TPP2: variants seen among roughly 807,000 people sequenced by gnomAD.
TPP2 encodes tripeptidyl-peptidase 2.
In TPP2, 34 loss-of-function variants were observed where a neutral mutation model predicts 155.9. The observed-to-expected ratio is 0.22, with a 90% confidence interval of 0.17 to 0.29. The LOEUF (loss-of-function observed/expected upper bound fraction) is 0.29. TPP2 is among the 10% of genes least tolerant of loss of function. The pLI is 1.00. For synonymous variants in TPP2, 510 were observed against 529.4 expected (o/e 0.96, Z 0.50); for missense variants, 1,028 against 1,522.3 (o/e 0.68, Z 5.40).
intron 24 of TPP2, among the ~76,000 whole-genome samples, chr13:102,656,167 A>T (rs1883847607): frequency 6.6e-6 from 1 of 152,160 alleles, no homozygotes; most frequent in Non-Finnish European, 1.5e-5. Context: ...CCAAAATTTT[A>T]ATCCATACAG....
At chr13:102,600,387 G>T (rs943620455) in intron 1 of TPP2, among the ~76,000 whole-genome samples, 8 of 151,966 alleles carry the variant, frequency 5.3e-5, no homozygotes, top group Non-Finnish European at 1.0e-4. Context: ...TTAATTCTGC[G>T]CGCCCCCTCC....
intron 25 of TPP2, 22 bp downstream of exon 25, chr13:102,657,229 A>T: frequency 6.5e-7 from 1 of 1,540,930 alleles, no homozygotes; most frequent in Non-Finnish European, 8.7e-7. Context: ...AATGTATTTT[A>T]ATTCTTTAAA....
rs766144935 is a variant in TPP2, at chr13:102,614,163, C to A, written c.357C>A (p.Asp119Glu). 1 of 1,613,496 alleles carries A rather than the reference C, an allele frequency of 6.2e-7. No homozygotes were observed. Among genetic ancestry groups the A allele is most frequent in the Non-Finnish European group, 8.5e-7 (1 of 1,179,696 alleles). ...KYHIGIKNGY[D>E]FYPKALKERI... is the part of the protein sequence containing the mutation. ...ATATTGGCATAAAAAATGGCTATGA[C>A]TTCTATCCTAAGGCACTCAAGGAAA... is the stretch of plus-strand genomic sequence containing the variant. Residue 119 changes from aspartate (D) to glutamate (E), a missense_variant, in exon 3 of 30, where the codon GAC (aspartate) becomes GAA (glutamate). Physicochemically the swap from Asp to Glu is conservative, Grantham distance 45. Coordinates refer to ENST00000376052, the MANE Select transcript of TPP2 (RefSeq NM_001330588.2).
rs1297591615 is a variant in TPP2, at chr13:102,678,470, C to T, written c.*154C>T. On this transcript the variant is annotated 3_prime_UTR_variant, in exon 30 of 30. Transcript: ENST00000376052. ...ATGTATTTATCAGAGAATTCACTGA[C>T]GTGTGGCTTAATACATGTAAATCTA... The T allele has an allele frequency of 8.3e-6, 5 of 605,798 alleles. No homozygotes were observed. Among genetic ancestry groups the T allele is most frequent in the African/African-American group, 2.0e-5 (1 of 50,336 alleles). 37.5% of individuals were successfully genotyped at this position (605,798 alleles called of 1,614,324 possible). A position where few individuals can be genotyped will look rare whatever the true frequency, so the allele number is the denominator to read the frequency against.
intron 27 of TPP2, among the ~76,000 whole-genome samples, chr13:102,671,869 G>A (rs373441878): frequency 3.3e-5 from 5 of 151,866 alleles, no homozygotes; most frequent in South Asian, 2.1e-4. Context: ...TTGAGCCTGC[G>A]AAACCGAGCC....
At chr13:102,609,677 G>A (rs535304519) in intron 2 of TPP2, among the ~76,000 whole-genome samples, 3 of 151,828 alleles carry the variant, frequency 2.0e-5, no homozygotes. Context: ...GATTACAAGC[G>A]CGAGCCACCG....
rs1415483254 is a variant in TPP2, at chr13:102,614,088, T to G, written c.295-13T>G. ...TTTAGTGAATGAACAGGTTACTCTT[T>G]TTTTTTCTGTAGATTCCTGCAAGCT... On this transcript the variant is annotated splice_polypyrimidine_tract_variant and intron_variant, in intron 2 of 29. Coordinates refer to ENST00000376052, the MANE Select transcript of TPP2 (RefSeq NM_001330588.2). 4.3e-6 allele frequency: 7 copies of G among 1,610,824 alleles called. No individual in the cohort carries two copies. The highest frequency in any genetic ancestry group is 5.9e-6 in the Non-Finnish European group (7 of 1,178,684).
chr13:102,633,840 A>T, intron 10 of TPP2, 110 bp from the exon 11 acceptor site: 1 of 1,445,096 alleles, frequency 6.9e-7, no homozygotes, highest in Non-Finnish European at 9.4e-7. Context: ...TAATGAGTGC[A>T]GTTAGTACAT....
In TPP2 at chr13:102,674,344, G is replaced by A. The variant is rs1329723822; in HGVS notation, c.3433G>A (p.Ala1145Thr). 4 of 1,613,856 alleles carry A rather than the reference G, an allele frequency of 2.5e-6. No homozygotes were observed. Among genetic ancestry groups the A allele is most frequent in the Non-Finnish European group, 3.4e-6 (4 of 1,179,826 alleles). Residue 1145 changes from alanine (A) to threonine (T), a missense_variant, in exon 28 of 30, where the codon GCA (alanine) becomes ACA (threonine). Physicochemically the swap from Ala to Thr is moderately conservative, Grantham distance 58 (BLOSUM62 0). Transcript: ENST00000376052. The stretch of plus-strand genomic sequence containing the variant: ...CCTTTGTAGGAAAGGTTGTGCCCTG[G>A]CAGACCATCTTCTTCACACCCAGGC... The part of the protein sequence containing the change: ...DALCRKGCAL[A>T]DHLLHTQAQD...
At chr13:102,615,257 CT>C in intron 3 of TPP2, among the ~76,000 whole-genome samples, 1 of 152,288 alleles carries the variant, frequency 6.6e-6, no homozygotes, top group Middle Eastern at 3.4e-3. Flanking sequence ...CTGCCTCAAC[CT>C]CCTGGGCAAT....
At chr13:102,641,604 C>T (rs1882772846) in intron 16 of TPP2, among the ~76,000 whole-genome samples, 1 of 151,950 alleles carries the variant, frequency 6.6e-6, no homozygotes, top group South Asian at 2.1e-4. Context: ...TTCCCCATAC[C>T]ATTTTCTGGT....
At chr13:102,650,566 G>A (rs537906545) in intron 23 of TPP2, among the ~76,000 whole-genome samples, 26 of 152,084 alleles carry the variant, frequency 1.7e-4, no homozygotes, top group Non-Finnish European at 3.4e-4. Flanking sequence ...AAGAAACCCT[G>A]GTAGTTTTTT....
chr13:102,645,112 C>A, intron 19 of TPP2, 103 bp downstream of exon 19: 2 of 1,081,726 alleles, frequency 1.8e-6, no homozygotes, highest in Non-Finnish European at 1.3e-6. Flanking sequence ...CACCTGCATG[C>A]TAGAGGTGAG....
At position 102,597,146 on chromosome 13, in the gene TPP2, G is replaced by A; in HGVS notation, c.108G>A (p.Arg36=). Residue 36 remains arginine, a synonymous_variant, in exon 1 of 30, where the codon CGG becomes CGA. Coordinates refer to ENST00000376052, the MANE Select transcript of TPP2 (RefSeq NM_001330588.2). ...GCCGCTACCCGGAGTATGATGGGCGGGGGGTGCTCATCGCAGTCCTGGACA... is the reference window on the plus strand; with the variant it reads ...GCCGCTACCCGGAGTATGATGGGCGAGGGGTGCTCATCGCAGTCCTGGACA... ...FLCRYPEYDG[R]GVLIAVLDTG... 7 of 1,608,990 alleles carry A rather than the reference G, an allele frequency of 4.4e-6. No individual in the cohort carries two copies. Among genetic ancestry groups the A allele is most frequent in the Non-Finnish European group, 5.9e-6 (7 of 1,178,384 alleles).
At chr13:102,628,897 T>G (rs142443365) in intron 8 of TPP2, among the ~76,000 whole-genome samples, 4 of 152,158 alleles carry the variant, frequency 2.6e-5, no homozygotes, top group Admixed American at 6.5e-5. Context: ...ATACTCACAC[T>G]TACAACTTTG....
intron 26 of TPP2, 39 bp from the exon 27 acceptor site, chr13:102,664,756 G>A (rs1884478945): frequency 1.3e-6 from 2 of 1,594,020 alleles, no homozygotes; most frequent in Non-Finnish European, 1.7e-6. Flanking sequence ...TATACTGATT[G>A]ATATACCTAT....
rs527436619 is a variant in TPP2 at position 102,630,854 on chromosome 13, A to G, written c.1244+659A>G. Among the ~76,000 whole-genome samples the G allele has an allele frequency of 1.3e-4, 20 of 152,336 alleles. No individual in the cohort carries two copies. The South Asian group carries it at 4.1e-3, about 32-fold the overall frequency. On this transcript the variant is annotated intron_variant, in intron 10 of 29. Coordinates refer to ENST00000376052, the MANE Select transcript of TPP2 (RefSeq NM_001330588.2). ...ATTTTAATTCATCTGTTTGGAGTTA[A>G]TTTATAAAAAGAATAGACTTTGAAT...
chr13:102,624,191 A>G (rs970768638), intron 6 of TPP2, among the ~76,000 whole-genome samples: 2 of 152,316 alleles, frequency 1.3e-5, no homozygotes, highest in East Asian at 1.9e-4. Flanking sequence ...GTGTGTTTAT[A>G]TCGTGAAAAT....
chr13:102,618,342 T>C (rs865848958), intron 4 of TPP2, among the ~76,000 whole-genome samples: 9 of 152,330 alleles, frequency 5.9e-5, no homozygotes, highest in South Asian at 2.1e-4. Context: ...AATCTAAAAG[T>C]CAATAGATAA....
Sources: gnomAD v4.1 joint callset for allele counts (sites outside exome capture counted in the v4.1 genomes callset) on GRCh38, gnomAD v4.1.1 for gene constraint, MANE v1.5 for transcripts, NCBI Gene and HGNC (gene_info 2026-07-23, HGNC 2026-07-21) for gene names.